The following DDX31 variants were observed in gnomAD, a reference collection of about 807,000 sequenced individuals.
DDX31 encodes DEAD-box helicase 31, also known as ATP-dependent DNA helicase DDX31.
In DDX31, 70 loss-of-function variants were observed where a neutral mutation model predicts 91.3. That is an observed-to-expected ratio of 0.77 (90% confidence interval 0.63 to 0.94). The LOEUF (loss-of-function observed/expected upper bound fraction) is 0.94. DDX31 is among the 40% of genes least tolerant of loss of function. The pLI is 0.00. For missense variants in DDX31, 902 were observed against 925.0 expected (o/e 0.98, Z 0.32); for synonymous variants, 362 against 350.6 (o/e 1.03, Z -0.36).
At chr9:132,658,223 A>G in intron 6 of DDX31, 2 of 698,450 alleles carry the variant, frequency 2.9e-6, no homozygotes, top group Non-Finnish European at 2.6e-6. Flanking sequence ...TTCACACAAG[A>G]GTAAGGAGCT....
intron 19 of DDX31, among the ~76,000 whole-genome samples, chr9:132,611,220 C>T (rs879041570): frequency 1.3e-5 from 2 of 152,170 alleles, no homozygotes; most frequent in Non-Finnish European, 1.5e-5. Context: ...CCATCCACAA[C>T]GTTCTGGGAT....
intron 18 of DDX31, among the ~76,000 whole-genome samples, chr9:132,615,373 C>T (rs955816344): frequency 9.2e-5 from 14 of 151,824 alleles, no homozygotes; most frequent in Non-Finnish European, 1.9e-4. Context: ...CCCACAAGAG[C>T]ACCCTTCAGT....
chr9:132,630,126 C>T, intron 16 of DDX31, 138 bp downstream of exon 16: 1 of 942,328 alleles, frequency 1.1e-6, no homozygotes, highest in Non-Finnish European at 1.5e-6. Flanking sequence ...GTTTTTGCCA[C>T]TGGCTATTCT....
chr9:132,623,410 G>C (rs1475374672), intron 17 of DDX31, among the ~76,000 whole-genome samples: 2 of 151,560 alleles, frequency 1.3e-5, no homozygotes, highest in Non-Finnish European at 2.9e-5. Context: ...ACGAAAATTA[G>C]GTGGGCATGG....
chr9:132,625,058 T>TG (rs1229570802), intron 17 of DDX31, among the ~76,000 whole-genome samples: 1 of 151,354 alleles, frequency 6.6e-6, no homozygotes, highest in African/African-American at 2.4e-5. Context: ...GGGGGTGGGG[T>TG]GGGGTGAGGG....
chr9:132,658,835 G>T, intron 5 of DDX31, 100 bp from the exon 6 acceptor site: 1 of 1,088,870 alleles, frequency 9.2e-7, no homozygotes, highest in East Asian at 2.5e-5. Flanking sequence ...TCTTCCAGTA[G>T]TACTAAATTC....
chr9:132,625,048 G>C (rs1257747899), intron 17 of DDX31, among the ~76,000 whole-genome samples: 1 of 152,136 alleles, frequency 6.6e-6, no homozygotes, highest in African/African-American at 2.4e-5. Context: ...TACTGAGTAA[G>C]GGGGTGGGGT....
chr9:132,608,826 G>A (rs1831168470), intron 19 of DDX31, among the ~76,000 whole-genome samples: 1 of 152,132 alleles, frequency 6.6e-6, no homozygotes, highest in African/African-American at 2.4e-5. Flanking sequence ...GGGGTTTAAT[G>A]GACTTTTCTT....
chr9:132,624,839 G>C (rs997206010), intron 17 of DDX31, among the ~76,000 whole-genome samples: 2 of 152,202 alleles, frequency 1.3e-5, no homozygotes, highest in African/African-American at 4.8e-5. Context: ...CAGTGAAACG[G>C]GGTCCCTCCC....
intron 19 of DDX31, among the ~76,000 whole-genome samples, chr9:132,611,006 G>A (rs764437085): frequency 2.0e-5 from 3 of 152,214 alleles, no homozygotes; most frequent in Admixed American, 6.5e-5. Context: ...TGGAATAACT[G>A]ACACTTCCCG....
At position 132,639,175 on chromosome 9, in the gene DDX31, C is replaced by T. The variant is rs375009591; in HGVS notation, c.1440+2829G>A. Among the ~76,000 whole-genome samples, 32 of 152,230 alleles carry T rather than the reference C, an allele frequency of 2.1e-4. 1 individual carries two copies. The South Asian group carries it at 2.7e-3, about 13-fold the overall frequency. ...TCTATTACAGCGTGTGTGTCCCACT[C>T]GCCCCGCAGCTCTCATATGCTAGAA... On this transcript the variant is annotated intron_variant, in intron 14 of 19. Coordinates refer to ENST00000372159, the MANE Select transcript of DDX31 (RefSeq NM_022779.9).
At chr9:132,621,055 T>C (rs567303175) in intron 17 of DDX31, among the ~76,000 whole-genome samples, 1 of 152,316 alleles carries the variant, frequency 6.6e-6, no homozygotes, top group South Asian at 2.1e-4. Flanking sequence ...ACGGCTCCTT[T>C]GTTGGGATAA....
At chr9:132,625,845 G>A (rs919583247) in intron 16 of DDX31, 100 bp from the exon 17 acceptor site, 15 of 786,924 alleles carry the variant, frequency 1.9e-5, no homozygotes, top group Middle Eastern at 2.3e-4. Flanking sequence ...AATTAGACAT[G>A]AAGTAGAAGT....
At chr9:132,608,131 C>T (rs1056371860) in intron 19 of DDX31, among the ~76,000 whole-genome samples, 8 of 152,116 alleles carry the variant, frequency 5.3e-5, no homozygotes, top group Non-Finnish European at 1.0e-4. Flanking sequence ...CTGCATTTCA[C>T]GGAAGGGAAA....
intron 14 of DDX31, among the ~76,000 whole-genome samples, chr9:132,635,103 G>A (rs1172266475): frequency 6.6e-6 from 1 of 152,102 alleles, no homozygotes; most frequent in Admixed American, 6.5e-5. Context: ...AGGCTTTCTG[G>A]CACAAACAAC....
intron 6 of DDX31, among the ~76,000 whole-genome samples, chr9:132,654,496 C>A (rs1023110758): frequency 1.3e-5 from 2 of 151,942 alleles, no homozygotes; most frequent in Non-Finnish European, 2.9e-5. Flanking sequence ...GCCTGTAATC[C>A]CAGCTACTCA....
chr9:132,629,972 C>G (rs774257276), intron 16 of DDX31, among the ~76,000 whole-genome samples: 2 of 152,224 alleles, frequency 1.3e-5, no homozygotes, highest in Non-Finnish European at 2.9e-5. Context: ...CTTTCAGAAG[C>G]TGCGAAGATG....
chr9:132,607,042 TGAA>T (rs1440280305), intron 19 of DDX31, among the ~76,000 whole-genome samples: 3 of 152,184 alleles, frequency 2.0e-5, no homozygotes, highest in African/African-American at 7.2e-5. Context: ...GTCCTATCTA[TGAA>T]GAAGGGGCGA....
intron 18 of DDX31, among the ~76,000 whole-genome samples, chr9:132,614,938 C>T (rs1831546192): frequency 6.6e-6 from 1 of 152,104 alleles, no homozygotes; most frequent in Admixed American, 6.5e-5. Context: ...TTCAGAGAAG[C>T]AGGAATTTCA....
Sources: allele counts gnomAD v4.1 joint callset (sites outside exome capture counted in the v4.1 genomes callset), GRCh38; gene constraint gnomAD v4.1.1; transcripts MANE v1.5; gene names NCBI Gene and HGNC (gene_info 2026-07-23, HGNC 2026-07-21).